The following SNTG1 variants were observed in gnomAD, a reference collection of about 807,000 sequenced individuals.
SNTG1 encodes gamma-1-syntrophin.
A neutral mutation model predicts 74.7 loss-of-function variants in SNTG1; 39 were observed. The observed-to-expected ratio is 0.52, with a 90% CI of 0.40 to 0.68. The LOEUF (loss-of-function observed/expected upper bound fraction) is 0.68, where lower values mean the gene tolerates loss of function less well. Ranked by LOEUF, SNTG1 falls within the 30% of genes least tolerant of loss-of-function variation. The pLI, the probability that SNTG1 is intolerant of heterozygous loss-of-function variation, is 0.00. For missense variants in SNTG1, 685 were observed against 609.5 expected, an observed-to-expected ratio of 1.12 and a Z score of -1.30; for synonymous variants, 254 against 217.1, an observed-to-expected ratio of 1.17 and a Z score of -1.49.
At chr8:50,219,670 AACTC>A (rs1420747780) in intron 2 of SNTG1, among the ~76,000 whole-genome samples, 1 of 152,110 alleles carries the variant, frequency 6.6e-6, no homozygotes, top group Non-Finnish European at 1.5e-5. Context: ...ATCTCATGAG[AACTC>A]ACTCACTATC....
At chr8:50,016,814 A>G (rs1344675503) in intron 1 of SNTG1, among the ~76,000 whole-genome samples, 1 of 152,184 alleles carries the variant, frequency 6.6e-6, no homozygotes, top group African/African-American at 2.4e-5. Context: ...CATTTATTTA[A>G]GAATGTATTC....
intron 18 of SNTG1, among the ~76,000 whole-genome samples, chr8:50,790,045 C>G (rs1304251331): frequency 6.6e-6 from 1 of 151,976 alleles, no homozygotes; most frequent in Non-Finnish European, 1.5e-5. Flanking sequence ...ATGGCTCACT[C>G]CATCTTCCCT....
intron 2 of SNTG1, among the ~76,000 whole-genome samples, chr8:50,215,229 A>G (rs1422378382): frequency 3.9e-5 from 6 of 152,064 alleles, no homozygotes; most frequent in Non-Finnish European, 5.9e-5. Context: ...AGAAGATTAC[A>G]TTCTTCAGGA....
intron 13 of SNTG1, among the ~76,000 whole-genome samples, chr8:50,600,152 C>T (rs1413662094): frequency 2.6e-5 from 4 of 151,912 alleles, no homozygotes; most frequent in Non-Finnish European, 5.9e-5. Flanking sequence ...GTGATAAATC[C>T]CACTTGGTCA....
intron 9 of SNTG1, among the ~76,000 whole-genome samples, chr8:50,521,220 A>G (rs1434161984): frequency 6.6e-6 from 1 of 152,112 alleles, no homozygotes; most frequent in East Asian, 1.9e-4. Context: ...TGAACATTTG[A>G]GAACACATGG....
At chr8:50,003,408 CAG>C (rs1313534977) in intron 1 of SNTG1, among the ~76,000 whole-genome samples, 1 of 152,088 alleles carries the variant, frequency 6.6e-6, no homozygotes, top group African/African-American at 2.4e-5. Flanking sequence ...ATGTGAAAAA[CAG>C]ATGCTTTAGA....
chr8:50,298,220 A>G (rs1293320321), intron 2 of SNTG1, among the ~76,000 whole-genome samples: 1 of 152,188 alleles, frequency 6.6e-6, no homozygotes, highest in African/African-American at 2.4e-5. Flanking sequence ...CAGGAAGAGT[A>G]GAGTAGTTAT....
chr8:49,935,925 A>T (rs318872), intron 1 of SNTG1, among the ~76,000 whole-genome samples: 125,282 of 152,216 alleles, frequency 0.82, 51,909 homozygotes, highest in East Asian at 0.99. Context: ...GCTCGGCTGC[A>T]ATATCTGCGA....
At chr8:50,510,113 T>G (rs2094053753) in intron 9 of SNTG1, among the ~76,000 whole-genome samples, 1 of 152,194 alleles carries the variant, frequency 6.6e-6, no homozygotes, top group Non-Finnish European at 1.5e-5. Context: ...TATTGAGAGT[T>G]TTTAGCATGA....
intron 1 of SNTG1, among the ~76,000 whole-genome samples, chr8:50,043,297 A>G (rs1201946468): frequency 6.6e-6 from 1 of 152,240 alleles, no homozygotes; most frequent in African/African-American, 2.4e-5. Context: ...GATGATGTCC[A>G]CATACAGAGA....
chr8:50,174,497 T>C (rs187722951), intron 2 of SNTG1, among the ~76,000 whole-genome samples: 1 of 152,330 alleles, frequency 6.6e-6, no homozygotes, highest in Admixed American at 6.5e-5. Context: ...TTAAACAGTG[T>C]ATTTTCATCA....
At chr8:50,738,374 A>G (rs972691480) in intron 17 of SNTG1, among the ~76,000 whole-genome samples, 2 of 152,028 alleles carry the variant, frequency 1.3e-5, no homozygotes, top group African/African-American at 2.4e-5. Flanking sequence ...ACCTCTTCAA[A>G]GAGAACTAGA....
At chr8:50,257,164 A>G (rs1373919366) in intron 2 of SNTG1, among the ~76,000 whole-genome samples, 1 of 152,136 alleles carries the variant, frequency 6.6e-6, no homozygotes, top group East Asian at 1.9e-4. Context: ...TGAGGCAGGC[A>G]TGGTTAAAAT....
chr8:50,677,663 A>C (rs2095314616), intron 15 of SNTG1, among the ~76,000 whole-genome samples: 1 of 152,042 alleles, frequency 6.6e-6, no homozygotes, highest in Non-Finnish European at 1.5e-5. Context: ...CCAAAACCTT[A>C]TATTACTGTT....
intron 1 of SNTG1, among the ~76,000 whole-genome samples, chr8:50,061,108 G>C (rs1240923666): frequency 6.6e-6 from 1 of 152,128 alleles, no homozygotes; most frequent in Non-Finnish European, 1.5e-5. Context: ...GAAAGGGGCT[G>C]TGTAAAATTA....
At chr8:50,435,306 A>G (rs2093289669) in intron 4 of SNTG1, among the ~76,000 whole-genome samples, 1 of 152,186 alleles carries the variant, frequency 6.6e-6, no homozygotes, top group Admixed American at 6.5e-5. Flanking sequence ...GTGTTTTACA[A>G]AATAAAATCA....
At chr8:50,034,737 T>C (rs566646109) in intron 1 of SNTG1, among the ~76,000 whole-genome samples, 1 of 152,236 alleles carries the variant, frequency 6.6e-6, no homozygotes, top group East Asian at 1.9e-4. Context: ...AATCACAAAA[T>C]TATCTCATAA....
At chr8:50,737,440 A>G (rs769130072) in intron 17 of SNTG1, among the ~76,000 whole-genome samples, 18 of 151,914 alleles carry the variant, frequency 1.2e-4, no homozygotes, top group Admixed American at 2.0e-4. Flanking sequence ...CAAAAAAAGC[A>G]CAGGACTAGA....
intron 8 of SNTG1, among the ~76,000 whole-genome samples, chr8:50,476,138 C>T (rs569747063): frequency 6.6e-6 from 1 of 152,190 alleles, no homozygotes; most frequent in Non-Finnish European, 1.5e-5. Context: ...GTTTTCAAGT[C>T]GCCCTAATTT....
Sources: gnomAD v4.1 joint callset for allele counts (sites outside exome capture counted in the v4.1 genomes callset) on GRCh38, gnomAD v4.1.1 for gene constraint, MANE v1.5 for transcripts, NCBI Gene and HGNC (gene_info 2026-07-23, HGNC 2026-07-21) for gene names.